NXPH1: variants seen among roughly 807,000 people sequenced by gnomAD.
NXPH1 encodes the protein neurexophilin 1, also known as neurexophilin-1.
Under a neutral mutation model 23.7 loss-of-function variants are expected in NXPH1, and 5 were observed. That is an observed-to-expected ratio of 0.21 (90% CI 0.11 to 0.44). The LOEUF (loss-of-function observed/expected upper bound fraction) is 0.44. NXPH1 is among the 20% of genes least tolerant of loss of function. NXPH1 has a pLI of 0.99. For synonymous variants in NXPH1, 144 were observed against 122.2 expected (o/e 1.18, Z -1.18); for missense variants, 324 against 321.6 (o/e 1.01, Z -0.06).
intron 2 of NXPH1, among the ~76,000 whole-genome samples, chr7:8,526,757 A>G (rs1285374143): frequency 6.6e-6 from 1 of 152,154 alleles, no homozygotes; most frequent in Non-Finnish European, 1.5e-5. Flanking sequence ...ACCTCCTGCC[A>G]TGATTCTGAG....
At chr7:8,619,248 A>G (rs1034533197) in intron 2 of NXPH1, among the ~76,000 whole-genome samples, 12 of 152,152 alleles carry the variant, frequency 7.9e-5, no homozygotes, top group Admixed American at 3.3e-4. Context: ...CCTCTGTAAT[A>G]GTCAGCAATC....
intron 2 of NXPH1, among the ~76,000 whole-genome samples, chr7:8,444,982 G>A (rs1416539646): frequency 6.6e-6 from 1 of 152,204 alleles, no homozygotes; most frequent in Non-Finnish European, 1.5e-5. Flanking sequence ...GTCAGAGACA[G>A]CTAGCCAACA....
intron 2 of NXPH1, among the ~76,000 whole-genome samples, chr7:8,662,058 G>C (rs535650475): frequency 6.6e-6 from 1 of 151,940 alleles, no homozygotes; most frequent in African/African-American, 2.4e-5. Context: ...TTCCCGGATA[G>C]ATTCCAACCA....
chr7:8,720,259 A>G (rs1779950353), intron 2 of NXPH1, among the ~76,000 whole-genome samples: 1 of 152,224 alleles, frequency 6.6e-6, no homozygotes. Context: ...TACCAGTAAT[A>G]GTAATCTTGT....
intron 2 of NXPH1, among the ~76,000 whole-genome samples, chr7:8,485,387 C>T (rs1376765129): frequency 2.0e-5 from 3 of 152,080 alleles, no homozygotes; most frequent in Non-Finnish European, 2.9e-5. Flanking sequence ...AGCACGAGAA[C>T]AGACTAATAC....
intron 2 of NXPH1, among the ~76,000 whole-genome samples, chr7:8,739,201 A>AG (rs1486243596): frequency 6.9e-6 from 1 of 145,668 alleles, no homozygotes; most frequent in Non-Finnish European, 1.5e-5. Context: ...AAAAAAAAAA[A>AG]AAACCCTGCA....
At chr7:8,491,145 G>T (rs993473835) in intron 2 of NXPH1, among the ~76,000 whole-genome samples, 3 of 151,954 alleles carry the variant, frequency 2.0e-5, no homozygotes, top group Admixed American at 1.3e-4. Flanking sequence ...AATTTTACCA[G>T]AGCAATGAAT....
In NXPH1 at chr7:8,631,585, T is replaced by C. The variant is rs1820131071; in HGVS notation, c.55-119423T>C. Among the ~76,000 whole-genome samples the C allele has an allele frequency of 2.6e-5, 4 of 152,242 alleles. No homozygotes were observed. In the South Asian group the frequency reaches 8.3e-4, roughly 32 times the overall value. On this transcript the variant is annotated intron_variant, in intron 2 of 2. Transcript: ENST00000405863. Reference sequence around the variant, plus strand: ...TTTTTTTCTAGTATGGTGCTAATAATAGGATTAGCACTTTTCAACTTTTAT... The same window carrying C: ...TTTTTTTCTAGTATGGTGCTAATAACAGGATTAGCACTTTTCAACTTTTAT...
chr7:8,529,813 G>A (rs188051121), intron 2 of NXPH1, among the ~76,000 whole-genome samples: 1 of 151,938 alleles, frequency 6.6e-6, no homozygotes, highest in African/African-American at 2.4e-5. Context: ...TAAAAAAAAT[G>A]GTCCAGAGTA....
At chr7:8,652,535 A>G (rs548762530) in intron 2 of NXPH1, among the ~76,000 whole-genome samples, 7 of 152,290 alleles carry the variant, frequency 4.6e-5, no homozygotes, top group African/African-American at 1.7e-4. Context: ...ATTACTAGAA[A>G]TTCAGGAGGT....
In NXPH1 at chr7:8,751,201, C is replaced by T; in HGVS notation, c.248C>T (p.Ser83Phe). 1 of 1,613,830 alleles carries T rather than the reference C, an allele frequency of 6.2e-7. No individual in the cohort carries two copies. The highest frequency in any genetic ancestry group is 1.1e-5 in the South Asian group (1 of 91,086). Residue 83 changes from serine (S) to phenylalanine (F), a missense_variant, in exon 3 of 3, where the codon TCT becomes TTT. Transcript: ENST00000405863. This position sits in a 1 kb window ranked among gnomAD's most constrained non-coding sequence, Gnocchi z 4.5. ...DLRYDTPEPYSEQDLWDWLRN... is the reference protein window; with the variant it reads ...DLRYDTPEPYFEQDLWDWLRN... ...AGATATGACACCCCAGAACCTTATT[C>T]TGAGCAAGACCTCTGGGACTGGCTG...
chr7:8,577,825 A>G (rs1486156233), intron 2 of NXPH1, among the ~76,000 whole-genome samples: 1 of 152,162 alleles, frequency 6.6e-6, no homozygotes, highest in African/African-American at 2.4e-5. Flanking sequence ...GTTTCCTTGA[A>G]TCACTTGCTC....
chr7:8,465,234 G>T (rs1816765759), intron 2 of NXPH1, among the ~76,000 whole-genome samples: 1 of 152,104 alleles, frequency 6.6e-6, no homozygotes, highest in Admixed American at 6.5e-5. Flanking sequence ...AACCCCCAGA[G>T]GATTATTATA....
chr7:8,718,388 A>C (rs1241900555), intron 2 of NXPH1, among the ~76,000 whole-genome samples: 1 of 152,178 alleles, frequency 6.6e-6, no homozygotes, highest in Non-Finnish European at 1.5e-5. Context: ...ACCTAGCTAG[A>C]GTTTCATTTC....
chr7:8,735,914 T>C (rs1488588057), intron 2 of NXPH1, among the ~76,000 whole-genome samples: 3 of 152,234 alleles, frequency 2.0e-5, no homozygotes, highest in African/African-American at 7.2e-5. Context: ...TCTTCTAGTT[T>C]ATTTGCATAG....
chr7:8,709,351 A>G (rs1012008302), intron 2 of NXPH1, among the ~76,000 whole-genome samples: 5 of 152,126 alleles, frequency 3.3e-5, no homozygotes, highest in African/African-American at 1.2e-4. Flanking sequence ...ATGGTGTATT[A>G]GGTGCTTTGA....
intron 2 of NXPH1, among the ~76,000 whole-genome samples, chr7:8,478,875 A>G (rs1003956088): frequency 9.2e-5 from 14 of 152,244 alleles, no homozygotes; most frequent in South Asian, 8.3e-4. Context: ...AATATGAGCC[A>G]AAGATTTTTA....
chr7:8,667,530 A>AT (rs1452422399), intron 2 of NXPH1, among the ~76,000 whole-genome samples: 4 of 150,326 alleles, frequency 2.7e-5, no homozygotes, highest in Admixed American at 6.6e-5. Context: ...CCTTTAATGA[A>AT]TTTTTTTTCT....
chr7:8,591,695 T>A (rs1284484142), intron 2 of NXPH1, among the ~76,000 whole-genome samples: 1 of 152,014 alleles, frequency 6.6e-6, no homozygotes, highest in Non-Finnish European at 1.5e-5. Flanking sequence ...ATATAGAAGT[T>A]TTATTTCCCC....
Sources: allele counts gnomAD v4.1 joint callset (sites outside exome capture counted in the v4.1 genomes callset), GRCh38; gene constraint gnomAD v4.1.1; non-coding constraint Gnocchi (gnomAD v3.1); transcripts MANE v1.5; gene names NCBI Gene and HGNC (gene_info 2026-07-23, HGNC 2026-07-21).